TENM4: variants seen among roughly 807,000 people sequenced by gnomAD.
TENM4 encodes the protein teneurin transmembrane protein 4, also known as teneurin-4.
TENM4 carries 82 observed loss-of-function variants against 243.3 expected under a neutral mutation model. The observed-to-expected ratio is 0.34, with a 90% CI of 0.28 to 0.40. The LOEUF (loss-of-function observed/expected upper bound fraction) is 0.40. TENM4 is among the 10% of genes least tolerant of loss of function. TENM4 has a pLI of 1.00. For synonymous variants in TENM4, 1,412 were observed against 1,456.3 expected (o/e 0.97, Z 0.69); for missense variants, 3,138 against 3,673.3 (o/e 0.85, Z 3.77).
At chr11:79,170,365 A>G (rs1303158368) in intron 3 of TENM4, among the ~76,000 whole-genome samples, 1 of 152,132 alleles carries the variant, frequency 6.6e-6, no homozygotes, top group Non-Finnish European at 1.5e-5. Flanking sequence ...GACTTTCCAT[A>G]CTTGAGAGGT....
intron 6 of TENM4, among the ~76,000 whole-genome samples, chr11:79,026,955 A>C (rs987719210): frequency 6.6e-6 from 1 of 152,156 alleles, no homozygotes; most frequent in East Asian, 1.9e-4. Context: ...TCATGTGAGT[A>C]AGTGAGTGGG....
At chr11:79,090,784 T>C (rs1037077295) in intron 4 of TENM4, among the ~76,000 whole-genome samples, 12 of 152,206 alleles carry the variant, frequency 7.9e-5, no homozygotes, top group Admixed American at 1.3e-4. Context: ...CCCATCATCC[T>C]TTCCTAAGTT....
intron 4 of TENM4, among the ~76,000 whole-genome samples, chr11:79,123,465 C>T (rs966948858): frequency 1.1e-4 from 16 of 152,094 alleles, no homozygotes; most frequent in African/African-American, 3.9e-4. Context: ...GAGAGGGGGT[C>T]AAGTCAGAGG....
intron 12 of TENM4, among the ~76,000 whole-genome samples, chr11:78,836,145 G>A (rs774490600): frequency 6.6e-6 from 1 of 152,100 alleles, no homozygotes; most frequent in Non-Finnish European, 1.5e-5. Context: ...GTCACCTGAG[G>A]TCAGGAGTTC....
At chr11:78,900,118 G>C (rs1484548798) in intron 7 of TENM4, among the ~76,000 whole-genome samples, 4 of 152,218 alleles carry the variant, frequency 2.6e-5, no homozygotes, top group Non-Finnish European at 5.9e-5. Flanking sequence ...TGGATGAATA[G>C]CCTAGCTGAG....
At chr11:79,268,794 T>C (rs1271599761) in intron 2 of TENM4, among the ~76,000 whole-genome samples, 4 of 152,230 alleles carry the variant, frequency 2.6e-5, no homozygotes, top group African/African-American at 4.8e-5. Flanking sequence ...TGCTTTTTGT[T>C]GGTGATTTCA....
chr11:78,929,444 A>G (rs1017100153), intron 6 of TENM4, among the ~76,000 whole-genome samples: 1 of 152,206 alleles, frequency 6.6e-6, no homozygotes, highest in African/African-American at 2.4e-5. Flanking sequence ...TCTCTCAGAA[A>G]AACTCACAGG....
Position 78,653,273 on chromosome 11 carries a change from C to G in TENM4, c.*4785G>C, listed in dbSNP as rs745363787. On this transcript the variant is annotated 3_prime_UTR_variant, in exon 34 of 34. Coordinates refer to ENST00000278550, the MANE Select transcript of TENM4 (RefSeq NM_001098816.3). ...GCCTTTATCTCCAAGCAAAGGCCAC[C>G]AGACACCTGTAAACACAAAATAGTC... 1 of 152,142 alleles carries G rather than the reference C, an allele frequency of 6.6e-6. No individual in the cohort carries two copies. The highest frequency in any genetic ancestry group is 1.5e-5 in the Non-Finnish European group (1 of 68,014). The allele number at this position is 152,142 out of a possible 1,614,324, so 9.4% of individuals were successfully genotyped here.
At chr11:79,054,225 G>A (rs1309640166) in intron 6 of TENM4, among the ~76,000 whole-genome samples, 2 of 152,136 alleles carry the variant, frequency 1.3e-5, no homozygotes, top group African/African-American at 4.8e-5. Flanking sequence ...AGAGAGGAGA[G>A]ATGTACAGGT....
At chr11:79,269,413 G>A (rs1367179398) in intron 2 of TENM4, among the ~76,000 whole-genome samples, 1 of 152,178 alleles carries the variant, frequency 6.6e-6, no homozygotes, top group African/African-American at 2.4e-5. Flanking sequence ...TTCCTGAAGA[G>A]AATAAAAACA....
At chr11:78,866,627 C>T (rs1028710364) in intron 9 of TENM4, among the ~76,000 whole-genome samples, 3 of 152,096 alleles carry the variant, frequency 2.0e-5, no homozygotes, top group African/African-American at 4.8e-5. Flanking sequence ...GGGGTGTTGG[C>T]ACCCCTTCCT....
chr11:79,142,042 G>A (rs74853837), intron 4 of TENM4, among the ~76,000 whole-genome samples: 2,641 of 152,062 alleles, frequency 0.017, 63 homozygotes, highest in East Asian at 0.1. Context: ...TATTGAGTGG[G>A]GAAAAACTAA....
At chr11:78,812,667 C>G (rs1857524008) in intron 13 of TENM4, among the ~76,000 whole-genome samples, 1 of 152,152 alleles carries the variant, frequency 6.6e-6, no homozygotes, top group East Asian at 1.9e-4. Flanking sequence ...AGCCTCCTGC[C>G]TGCCCTGAAT....
chr11:79,256,637 A>G (rs1047310089), intron 2 of TENM4, among the ~76,000 whole-genome samples: 1 of 152,196 alleles, frequency 6.6e-6, no homozygotes, highest in African/African-American at 2.4e-5. Flanking sequence ...GATCTTTAAG[A>G]CTGTCCATGT....
intron 6 of TENM4, among the ~76,000 whole-genome samples, chr11:79,063,938 T>A (rs958621796): frequency 6.6e-6 from 1 of 151,040 alleles, no homozygotes; most frequent in Non-Finnish European, 1.5e-5. Context: ...TAAAGTTTAT[T>A]TTTTTTTGTC....
chr11:79,192,935 G>A (rs1027305691), intron 3 of TENM4: 2 of 152,406 alleles, frequency 1.3e-5, no homozygotes, highest in Admixed American at 6.5e-5. Context: ...TTCCCAGCAA[G>A]GTTGTAGGCA....
chr11:78,761,240 T>TC (rs1190214795), intron 18 of TENM4, among the ~76,000 whole-genome samples: 1 of 151,790 alleles, frequency 6.6e-6, no homozygotes, highest in African/African-American at 2.4e-5. Flanking sequence ...TTCTTTTTTT[T>TC]CTTTTTCTTT....
At chr11:79,323,242 T>C (rs1342429312) in intron 1 of TENM4, among the ~76,000 whole-genome samples, 1 of 152,216 alleles carries the variant, frequency 6.6e-6, no homozygotes, top group African/African-American at 2.4e-5. Context: ...CCAGAAGGCC[T>C]AACCCAACAC....
intron 1 of TENM4, among the ~76,000 whole-genome samples, chr11:79,380,376 T>A (rs888201083): frequency 1.3e-5 from 2 of 151,950 alleles, no homozygotes; most frequent in African/African-American, 4.8e-5. Flanking sequence ...TTCTGAATGC[T>A]GGAGGCGGGA....
Sources: allele counts gnomAD v4.1 joint callset (sites outside exome capture counted in the v4.1 genomes callset), GRCh38; gene constraint gnomAD v4.1.1; transcripts MANE v1.5; gene names NCBI Gene and HGNC (gene_info 2026-07-23, HGNC 2026-07-21).